The following GLI3 variants were observed in gnomAD, a reference collection of about 807,000 sequenced individuals.
The protein encoded by GLI3 is GLI family zinc finger 3.
GLI3 carries 20 observed loss-of-function variants against 100.8 expected under a neutral mutation model. That is an observed-to-expected ratio of 0.20 (90% CI 0.14 to 0.29). The LOEUF is 0.29. Among genes scored for constraint, GLI3 ranks in the 10% least tolerant of loss-of-function variants. GLI3 has a pLI of 1.00. For missense variants in GLI3, 2,040 were observed against 2,128.5 expected, an observed-to-expected ratio of 0.96 and a Z score of 0.82; for synonymous variants, 938 against 860.5, an observed-to-expected ratio of 1.09 and a Z score of -1.58.
At chr7:42,140,281 C>T (rs570092214) in intron 3 of GLI3, among the ~76,000 whole-genome samples, 1 of 152,334 alleles carries the variant, frequency 6.6e-6, no homozygotes, top group South Asian at 2.1e-4. Context: ...CAGAAGCAGG[C>T]ACTTGCTCAT....
At chr7:42,140,202 C>T (rs945980644) in intron 3 of GLI3, among the ~76,000 whole-genome samples, 4 of 152,194 alleles carry the variant, frequency 2.6e-5, no homozygotes, top group African/African-American at 9.6e-5. Context: ...CACCTGCTCC[C>T]AAAGGACTCC....
chr7:42,013,949 C>T (rs1451663067), intron 10 of GLI3, among the ~76,000 whole-genome samples: 1 of 152,230 alleles, frequency 6.6e-6, no homozygotes, highest in Non-Finnish European at 1.5e-5. Context: ...AGCCCTGAAG[C>T]TTCTGACTTC....
At chr7:42,041,486 A>G (rs750756460) in intron 6 of GLI3, among the ~76,000 whole-genome samples, 81 of 152,356 alleles carry the variant, frequency 5.3e-4, no homozygotes, top group Non-Finnish European at 9.8e-4. Context: ...TGAACGAATG[A>G]GAACATAATC....
rs576368229 is a variant in GLI3 at position 42,030,703 on chromosome 7, T to G, written c.1029-4291A>C. Among the ~76,000 whole-genome samples, 22 of 151,998 alleles carry G rather than the reference T, an allele frequency of 1.4e-4. 1 individual carries two copies. In the South Asian group the frequency reaches 2.5e-3, roughly 17 times the overall value. ...TATTACTATTGTTGATTTGTTTTTT[T>G]TTTTTTTGTTTTTTTGTTTCTTGTT... On this transcript the variant is annotated intron_variant, in intron 7 of 14. Transcript: ENST00000395925.
At chr7:42,229,884 A>G (rs1195989219) in intron 1 of GLI3, among the ~76,000 whole-genome samples, 1 of 152,196 alleles carries the variant, frequency 6.6e-6, no homozygotes, top group Admixed American at 6.5e-5. Flanking sequence ...GGGAATTTTA[A>G]ACATTTCATT....
chr7:41,999,101 C>T (rs967746209), intron 10 of GLI3, among the ~76,000 whole-genome samples: 2 of 152,110 alleles, frequency 1.3e-5, no homozygotes, highest in Non-Finnish European at 2.9e-5. Flanking sequence ...GAGAGGGTAG[C>T]ATATCATTTT....
intron 4 of GLI3, among the ~76,000 whole-genome samples, chr7:42,058,138 G>C (rs1784499850): frequency 6.6e-6 from 1 of 152,002 alleles, no homozygotes; most frequent in South Asian, 2.1e-4. Flanking sequence ...ACTAAAAAAA[G>C]AAGAAAACTG....
intron 4 of GLI3, among the ~76,000 whole-genome samples, chr7:42,052,699 T>C (rs1327650808): frequency 6.6e-6 from 1 of 152,130 alleles, no homozygotes; most frequent in East Asian, 1.9e-4. Flanking sequence ...AAAGTCCAAA[T>C]GGCGATTTGT....
intron 4 of GLI3, among the ~76,000 whole-genome samples, chr7:42,055,675 C>T (rs754440696): frequency 6.6e-6 from 1 of 152,182 alleles, no homozygotes; most frequent in Non-Finnish European, 1.5e-5. Flanking sequence ...CCATCAGCCC[C>T]CAGGCCCCTA....
intron 1 of GLI3, among the ~76,000 whole-genome samples, chr7:42,229,338 C>T (rs1279318547): frequency 6.6e-6 from 1 of 152,148 alleles, no homozygotes; most frequent in Admixed American, 6.5e-5. Context: ...GTTAAAACAG[C>T]TACTGGCAAT....
chr7:41,989,888 A>T (rs561854494), intron 10 of GLI3, among the ~76,000 whole-genome samples: 1 of 150,078 alleles, frequency 6.7e-6, no homozygotes, highest in African/African-American at 2.5e-5. Context: ...AAAAATAAAA[A>T]TTAGCACACG....
chr7:42,156,385 A>G (rs1037548175), intron 2 of GLI3, among the ~76,000 whole-genome samples: 1 of 152,186 alleles, frequency 6.6e-6, no homozygotes, highest in African/African-American at 2.4e-5. Context: ...TGGAGGGTCA[A>G]AAATTTTGCC....
chr7:42,083,602 G>A (rs532954955), intron 3 of GLI3, among the ~76,000 whole-genome samples: 2 of 152,176 alleles, frequency 1.3e-5, no homozygotes, highest in African/African-American at 4.8e-5. Context: ...ATCCTTTATG[G>A]AAAAAGGTTG....
At chr7:41,967,491 T>A in intron 14 of GLI3, 105 bp downstream of exon 14, 1 of 822,604 alleles carries the variant, frequency 1.2e-6, no homozygotes, top group Non-Finnish European at 2.0e-6. Flanking sequence ...TACAGCGTCA[T>A]TTTAGGACTG....
intron 2 of GLI3, among the ~76,000 whole-genome samples, chr7:42,155,037 C>T (rs1425817203): frequency 9.9e-5 from 15 of 152,186 alleles, no homozygotes; most frequent in Admixed American, 9.8e-4. Context: ...GAATTTGAAG[C>T]CTTGGGGAAA....
chr7:42,206,510 C>T (rs536676234), intron 2 of GLI3, among the ~76,000 whole-genome samples: 1 of 152,088 alleles, frequency 6.6e-6, no homozygotes. Flanking sequence ...GAGTTAACCA[C>T]TATTAAAGAA....
At chr7:42,059,043 G>A (rs543203845) in intron 4 of GLI3, among the ~76,000 whole-genome samples, 7 of 152,270 alleles carry the variant, frequency 4.6e-5, no homozygotes, top group African/African-American at 7.2e-5. Context: ...ATGGGACTGC[G>A]TTCTATCCCA....
At position 42,177,120 on chromosome 7, in the gene GLI3, C is replaced by T. The variant is rs192853776; in HGVS notation, c.125-28652G>A. Among the ~76,000 whole-genome samples the T allele has an allele frequency of 4.6e-3, 693 of 152,254 alleles. 6 individuals carry two copies. Among genetic ancestry groups the T allele is most frequent in the Middle Eastern group, 6.8e-3 (2 of 294 alleles). ...AGTGATAGGGACACTCCGTCCTTCC[C>T]TTGAGAGCTTACATGTCCTAGTTGC... On this transcript the variant is annotated intron_variant, in intron 2 of 14. Coordinates refer to ENST00000395925, the MANE Select transcript of GLI3 (RefSeq NM_000168.6).
intron 3 of GLI3, among the ~76,000 whole-genome samples, chr7:42,103,773 T>C (rs950917668): frequency 2.0e-5 from 3 of 151,440 alleles, no homozygotes; most frequent in Non-Finnish European, 4.4e-5. Context: ...AGATAAGGAG[T>C]CAGGATGGGG....
Sources: allele counts gnomAD v4.1 joint callset (sites outside exome capture counted in the v4.1 genomes callset), GRCh38; gene constraint gnomAD v4.1.1; transcripts MANE v1.5; gene names NCBI Gene and HGNC (gene_info 2026-07-23, HGNC 2026-07-21).